AFF3: variants seen among roughly 807,000 people sequenced by gnomAD.
The protein encoded by AFF3 is AF4/FMR2 family member 3.
A neutral mutation model predicts 129.7 loss-of-function variants in AFF3; 32 were observed. The ratio of observed to expected loss-of-function variants is 0.25; its 90% CI spans 0.19 to 0.33. The LOEUF (loss-of-function observed/expected upper bound fraction) is 0.33, where lower values mean the gene tolerates loss of function less well. Among genes scored for constraint, AFF3 ranks in the 10% least tolerant of loss-of-function variants. AFF3 has a pLI of 1.00. For synonymous variants in AFF3, 644 were observed against 635.4 expected (o/e 1.01, Z -0.20); for missense variants, 1,373 against 1,592.0 (o/e 0.86, Z 2.34).
At chr2:99,705,933 C>CCTG (rs935607879) in intron 11 of AFF3, among the ~76,000 whole-genome samples, 2 of 148,170 alleles carry the variant, frequency 1.3e-5, no homozygotes, top group Non-Finnish European at 3.0e-5. Flanking sequence ...TTAATGTGAT[C>CCTG]CTGTTGGGGC....
intron 4 of AFF3, among the ~76,000 whole-genome samples, chr2:100,024,922 T>G (rs1468717680): frequency 6.6e-6 from 1 of 151,942 alleles, no homozygotes; most frequent in Non-Finnish European, 1.5e-5. Flanking sequence ...TGGTGAGGAG[T>G]GGGGAAGAAT....
At chr2:99,745,558 T>C (rs4851226) in intron 9 of AFF3, among the ~76,000 whole-genome samples, 112,118 of 152,074 alleles carry the variant, frequency 0.74, 42,183 homozygotes, top group East Asian at 0.92. Flanking sequence ...TGACCTATTA[T>C]CATATTGACT....
At chr2:100,048,202 T>A (rs1376199241) in intron 4 of AFF3, among the ~76,000 whole-genome samples, 1 of 152,252 alleles carries the variant, frequency 6.6e-6, no homozygotes, top group Non-Finnish European at 1.5e-5. Context: ...TCCTAAGCTA[T>A]AAATAAAGAC....
At chr2:99,583,098 T>A in intron 16 of AFF3, 99 bp from the exon 17 acceptor site, 1 of 1,003,890 alleles carries the variant, frequency 1.0e-6, no homozygotes, top group Non-Finnish European at 1.5e-6. Flanking sequence ...GACCTGTTGG[T>A]AGGAGAAGCT....
At chr2:99,612,057 G>A (rs34827642) in intron 13 of AFF3, among the ~76,000 whole-genome samples, 23,548 of 152,102 alleles carry the variant, frequency 0.15, 2,261 homozygotes, top group South Asian at 0.25. Flanking sequence ...TCACCACCAT[G>A]TCTTTTCCTC....
intron 4 of AFF3, among the ~76,000 whole-genome samples, chr2:100,083,935 T>C (rs1689227049): frequency 6.6e-6 from 1 of 152,146 alleles, no homozygotes; most frequent in Non-Finnish European, 1.5e-5. Context: ...GTATGGGTTC[T>C]GGCTCAGGCT....
intron 8 of AFF3, among the ~76,000 whole-genome samples, chr2:99,823,896 C>A (rs1051531735): frequency 6.6e-6 from 1 of 152,084 alleles, no homozygotes; most frequent in Non-Finnish European, 1.5e-5. Flanking sequence ...AGGTGCTAGA[C>A]ACTGACTACA....
At chr2:100,106,014 AAG>A (rs1423546426) in intron 2 of AFF3, 3 of 1,321,882 alleles carry the variant, frequency 2.3e-6, no homozygotes, top group Non-Finnish European at 3.0e-6. Flanking sequence ...CGTCAAGCCG[AAG>A]AGTCATCCTC....
chr2:99,815,795 A>G (rs544668659), intron 8 of AFF3, among the ~76,000 whole-genome samples: 4 of 149,346 alleles, frequency 2.7e-5, no homozygotes, highest in South Asian at 2.1e-4. Flanking sequence ...CCGCTGTACT[A>G]CTTATCCTGG....
At position 99,943,764 on chromosome 2, in the gene AFF3, A is replaced by G. The variant is rs76622160; in HGVS notation, c.873+62868T>C. Among the ~76,000 whole-genome samples, 722 of 152,228 alleles carry G rather than the reference A, an allele frequency of 4.7e-3. 18 individuals are homozygous for G. In the East Asian group the frequency reaches 0.071, roughly 15 times the overall value. ...TGGTTTTCTATTAAGCCTCCACTCA[A>G]TGTTCTTGGTCTCCTCTCTAACAAT... On this transcript the variant is annotated intron_variant, in intron 7 of 24. Transcript: ENST00000672756.
chr2:100,060,950 G>A (rs1687221995), intron 4 of AFF3, among the ~76,000 whole-genome samples: 2 of 152,160 alleles, frequency 1.3e-5, no homozygotes, highest in Admixed American at 6.5e-5. Flanking sequence ...TTTCGATGAC[G>A]TTGATGGTCT....
At chr2:99,600,131 A>G (rs1435261147) in intron 14 of AFF3, among the ~76,000 whole-genome samples, 2 of 152,200 alleles carry the variant, frequency 1.3e-5, no homozygotes, top group African/African-American at 2.4e-5. Flanking sequence ...CCCCTCATAC[A>G]GAGATTGATA....
At chr2:99,584,981 G>T (rs13405848) in intron 16 of AFF3, among the ~76,000 whole-genome samples, 1 of 152,314 alleles carries the variant, frequency 6.6e-6, no homozygotes, top group South Asian at 2.1e-4. Context: ...GGATACATGT[G>T]GGGATAGCAT....
At chr2:99,567,060 C>T (rs555083291) in intron 19 of AFF3, among the ~76,000 whole-genome samples, 26 of 151,354 alleles carry the variant, frequency 1.7e-4, no homozygotes, top group Non-Finnish European at 2.1e-4. Context: ...CTCTGCCTCC[C>T]GGGTTCAAGC....
chr2:99,917,906 T>C lies in AFF3; in HGVS notation c.874-80382A>G, dbSNP rs1005856603. Among the ~76,000 whole-genome samples, 3 of 152,140 alleles carry C rather than the reference T, an allele frequency of 2.0e-5. No individual in the cohort carries two copies. The South Asian group carries it at 6.2e-4, about 31-fold the overall frequency. ...AAAATTCTGTTGGGTATTTATTATA[T>C]GGCCGTTATATAAAAATATTACAGA... On this transcript the variant is annotated intron_variant, in intron 7 of 24. Coordinates refer to ENST00000672756, the MANE Select transcript of AFF3 (RefSeq NM_001386135.1).
At chr2:99,864,122 G>A (rs1691199282) in intron 7 of AFF3, among the ~76,000 whole-genome samples, 1 of 152,202 alleles carries the variant, frequency 6.6e-6, no homozygotes, top group Non-Finnish European at 1.5e-5. Context: ...CTGTGGTCTT[G>A]CAGAATTGCA....
In AFF3 at chr2:99,551,369, C is replaced by T. The variant is rs776507007; in HGVS notation, c.*105G>A. On this transcript the variant is annotated 3_prime_UTR_variant, in exon 25 of 25. Transcript: ENST00000672756. The stretch of plus-strand genomic sequence containing the variant: ...TGTTCAATGCTGAGGAAATGTTCAC[C>T]GCAGTCTGATAAATGCTGTGGCTGG... 127 of 1,449,056 alleles carry T rather than the reference C, an allele frequency of 8.8e-5. No homozygotes were observed. The highest frequency in any genetic ancestry group is 1.1e-4 in the Non-Finnish European group (116 of 1,063,500). The allele number at this position is 1,449,056 out of a possible 1,614,324, so 89.8% of individuals were successfully genotyped here.
At chr2:99,873,586 G>A (rs1176710981) in intron 7 of AFF3, among the ~76,000 whole-genome samples, 4 of 151,986 alleles carry the variant, frequency 2.6e-5, no homozygotes, top group Non-Finnish European at 5.9e-5. Flanking sequence ...GATGTGGTGA[G>A]GACTAACTGG....
At chr2:99,982,398 C>T (rs185957688) in intron 7 of AFF3, among the ~76,000 whole-genome samples, 5 of 152,304 alleles carry the variant, frequency 3.3e-5, no homozygotes, top group Non-Finnish European at 5.9e-5. Context: ...CCTTGCCTTC[C>T]GCCATGATTG....
Sources: allele counts gnomAD v4.1 joint callset (sites outside exome capture counted in the v4.1 genomes callset), GRCh38; gene constraint gnomAD v4.1.1; transcripts MANE v1.5; gene names NCBI Gene and HGNC (gene_info 2026-07-23, HGNC 2026-07-21).